ABCA6: variants seen among roughly 807,000 people sequenced by gnomAD.
The protein encoded by ABCA6 is ATP binding cassette subfamily A member 6.
In ABCA6, 164 loss-of-function variants were observed where a neutral mutation model predicts 191.2. The ratio of observed to expected loss-of-function variants is 0.86; its 90% CI spans 0.76 to 0.98. ABCA6 has a LOEUF of 0.98. Ranked by LOEUF, ABCA6 falls within the 50% of genes least tolerant of loss-of-function variation. The pLI, the probability that ABCA6 is intolerant of heterozygous loss-of-function variation, is 0.00. For missense variants in ABCA6, 1,958 were observed against 1,894.1 expected (o/e 1.03, Z -0.63); for synonymous variants, 636 against 647.7 (o/e 0.98, Z 0.27).
intron 22 of ABCA6, 60 bp from the exon 23 acceptor site, chr17:69,098,087 T>C: frequency 7.8e-7 from 1 of 1,286,880 alleles, no homozygotes; most frequent in South Asian, 1.5e-5. Flanking sequence ...CAAATAATTA[T>C]AGCCACAAAA....
In ABCA6 at chr17:69,087,591, G is replaced by A. The variant is rs1212327657; in HGVS notation, c.3699-118C>T. 5 of 1,321,182 alleles carry A rather than the reference G, an allele frequency of 3.8e-6. No individual in the cohort carries two copies. The African/African-American group carries it at 7.4e-5, about 19-fold the overall frequency. The allele number at this position is 1,321,182 out of a possible 1,614,324, so 81.8% of individuals were successfully genotyped here. On this transcript the variant is annotated intron_variant, in intron 28 of 38. Transcript: ENST00000284425. The stretch of plus-strand genomic sequence containing the variant: ...TTCTCTAATGTGCAGGTGATGATGT[G>A]ATGATGACTGTCAATATTGCTTCTG...
chr17:69,108,111 T>G, intron 17 of ABCA6: 1 of 314,698 alleles, frequency 3.2e-6, no homozygotes, highest in South Asian at 3.6e-5. Context: ...TCTTCTCACC[T>G]CCACACTACA....
chr17:69,113,696 T>G lies in ABCA6; in HGVS notation c.1824A>C (p.Gln608His). ...ILLELDMQNI[Q>H]DNLAKHLSEG... ...CACTTAAATGTTTAGCAAGGTTATCTTGAATGTTTTGCATGTCCAATTCCA... is the reference window on the plus strand; with the variant it reads ...CACTTAAATGTTTAGCAAGGTTATCGTGAATGTTTTGCATGTCCAATTCCA... Residue 608 changes from glutamine to histidine, a missense_variant, in exon 14 of 39, where the codon CAA becomes CAC. Transcript: ENST00000284425. The G allele has an allele frequency of 6.2e-7, 1 of 1,612,804 alleles. No homozygotes were observed.
intron 8 of ABCA6, among the ~76,000 whole-genome samples, chr17:69,126,023 C>T (rs1335425378): frequency 1.3e-5 from 2 of 151,918 alleles, no homozygotes; most frequent in African/African-American, 4.8e-5. Context: ...CATTTCTATT[C>T]ATTATTGTAC....
At chr17:69,123,454 A>AT (rs772491296) in intron 9 of ABCA6, 47 bp from the exon 10 acceptor site, 26 of 1,287,386 alleles carry the variant, frequency 2.0e-5, no homozygotes, top group African/African-American at 3.0e-5. Flanking sequence ...TAGTAAAAGA[A>AT]TGCGCAAAGA....
intron 36 of ABCA6, among the ~76,000 whole-genome samples, chr17:69,082,362 C>CACACAG (rs1447375561): frequency 1.4e-5 from 2 of 138,398 alleles, no homozygotes; most frequent in African/African-American, 5.5e-5. Context: ...CACACACACA[C>CACACAG]AGATATGTGG....
intron 10 of ABCA6, 60 bp from the exon 11 acceptor site, chr17:69,118,016 T>C (rs991614197): frequency 2.5e-6 from 3 of 1,199,438 alleles, no homozygotes; most frequent in African/African-American, 3.1e-5. Context: ...GCACGGGCCA[T>C]TTATAGCCCT....
chr17:69,137,187 A>C, intron 3 of ABCA6, 109 bp downstream of exon 3: 4 of 1,022,398 alleles, frequency 3.9e-6, no homozygotes, highest in Non-Finnish European at 5.8e-6. Context: ...TTTAGTACTT[A>C]AGTTATTAGC....
chr17:69,129,000 CA>C (rs1417931308), intron 7 of ABCA6, among the ~76,000 whole-genome samples, 196 bp from the exon 8 acceptor site: 1 of 152,074 alleles, frequency 6.6e-6, no homozygotes, highest in African/African-American at 2.4e-5. Flanking sequence ...TTGTCCTACT[CA>C]AATGCCAGGC....
At chr17:69,081,621 A>G (rs532434176) in intron 36 of ABCA6, among the ~76,000 whole-genome samples, 1 of 152,214 alleles carries the variant, frequency 6.6e-6, no homozygotes, top group Non-Finnish European at 1.5e-5. Flanking sequence ...ATTTTGTAAA[A>G]CCATAAATAG....
In ABCA6 at chr17:69,089,455, C is replaced by T. The variant is rs2072877582; in HGVS notation, c.3606+10G>A. The T allele has an allele frequency of 1.2e-6, 2 of 1,612,704 alleles. No homozygotes were observed. The highest frequency in any genetic ancestry group is 2.2e-5 in the East Asian group (1 of 44,832). On this transcript the variant is annotated intron_variant, in intron 27 of 38. Coordinates refer to ENST00000284425, the MANE Select transcript of ABCA6 (RefSeq NM_080284.3). ...AAAGAATGTGTGCTGAGGTGGAAAG[C>T]CCTTCTTACTATGAAGCAGACTAGA...
intron 1 of ABCA6, among the ~76,000 whole-genome samples, chr17:69,140,954 A>G (rs1227422352): frequency 6.6e-6 from 1 of 152,062 alleles, no homozygotes; most frequent in African/African-American, 2.4e-5. Flanking sequence ...CAATTTTGCA[A>G]TAACTTGGAG....
In ABCA6 at chr17:69,084,463, A is replaced by T. The variant is rs1158160536; in HGVS notation, c.4229T>A (p.Val1410Glu). Residue 1410 changes from valine to glutamate, a missense_variant, in exon 33 of 39, where the codon GTG becomes GAG. By Grantham distance (121) the Val-to-Glu change is moderately radical (BLOSUM62 -2). Coordinates refer to ENST00000284425, the MANE Select transcript of ABCA6 (RefSeq NM_080284.3). Reference sequence around the variant, plus strand: ...CGTGATTCCTGCTGTTAATTTCTGCACAGGAACATTCAGCTGCTCATGCAG... The same window carrying T: ...CGTGATTCCTGCTGTTAATTTCTGCTCAGGAACATTCAGCTGCTCATGCAG... Reference protein sequence around the residue: ...FKLHEQLNVPVQKLTAGITRK... With the variant: ...FKLHEQLNVPEQKLTAGITRK... 1 of 1,614,218 alleles carries T rather than the reference A, an allele frequency of 6.2e-7. No homozygotes were observed. The highest frequency in any genetic ancestry group is 1.7e-5 in the Admixed American group (1 of 60,026).
chr17:69,122,851 T>C (rs1598048411), intron 10 of ABCA6, among the ~76,000 whole-genome samples: 3 of 151,822 alleles, frequency 2.0e-5, no homozygotes, highest in Admixed American at 6.6e-5. Flanking sequence ...CAAAGTGACA[T>C]TGACAAAAAC....
intron 11 of ABCA6, 135 bp from the exon 12 acceptor site, chr17:69,115,621 A>G: frequency 1.9e-6 from 1 of 523,542 alleles, no homozygotes; most frequent in Middle Eastern, 3.6e-4. Flanking sequence ...TTTAAAATAC[A>G]CAATGATCAA....
At chr17:69,080,943 T>C in intron 37 of ABCA6, 123 bp downstream of exon 37, 1 of 550,974 alleles carries the variant, frequency 1.8e-6, no homozygotes, top group Non-Finnish European at 3.1e-6. Context: ...ACAGTTAGAA[T>C]TCTTAAAAAT....
At chr17:69,090,570 T>C (rs1435040325) in intron 26 of ABCA6, among the ~76,000 whole-genome samples, 1 of 152,208 alleles carries the variant, frequency 6.6e-6, no homozygotes, top group African/African-American at 2.4e-5. Flanking sequence ...TTGTCCTTTG[T>C]AACATTTAAG....
chr17:69,093,740 G>T (rs1395801269), intron 25 of ABCA6, among the ~76,000 whole-genome samples: 2 of 152,058 alleles, frequency 1.3e-5, no homozygotes, highest in African/African-American at 4.8e-5. Context: ...AATCATACTA[G>T]ACAATTTTGA....
At position 69,114,907 on chromosome 17, in the gene ABCA6, G is replaced by A; in HGVS notation, c.1637C>T (p.Ser546Phe). Residue 546 changes from serine to phenylalanine, a missense_variant, in exon 13 of 39, where the codon TCT becomes TTT. Transcript: ENST00000284425. ...GATTTCCTCCAAGTCTTGCATTTCA[G>A]AGAGATTTTTATTATAGATGGTAAC... ...GSVTIYNKNL[S>F]EMQDLEEIRK... The A allele has an allele frequency of 6.2e-7, 1 of 1,611,342 alleles. No homozygotes were observed. The highest frequency in any genetic ancestry group is 8.5e-7 in the Non-Finnish European group (1 of 1,178,568).
Sources: gnomAD v4.1 joint callset for allele counts (sites outside exome capture counted in the v4.1 genomes callset) on GRCh38, gnomAD v4.1.1 for gene constraint, MANE v1.5 for transcripts, NCBI Gene and HGNC (gene_info 2026-07-23, HGNC 2026-07-21) for gene names.